Variants in VILL observed in about 807,000 individuals in gnomAD.
VILL encodes the protein villin-like protein.
Under a neutral mutation model 106.3 loss-of-function variants are expected in VILL, and 102 were observed. The observed-to-expected ratio is 0.96, with a 90% CI of 0.82 to 1.13. The LOEUF (loss-of-function observed/expected upper bound fraction) is 1.13. Among genes scored for constraint, VILL ranks in the 50% most tolerant of loss-of-function variants. The probability of loss-of-function intolerance (pLI) is 0.00; values close to 1 mark genes in which losing one functional copy is unlikely to be tolerated. For missense variants in VILL, 1,076 were observed against 1,116.6 expected (o/e 0.96, Z 0.52); for synonymous variants, 431 against 440.3 (o/e 0.98, Z 0.27).
chr3:37,998,424 G>T lies in VILL; in HGVS notation c.942+60G>T. The T allele has an allele frequency of 6.6e-7, 1 of 1,510,954 alleles. No homozygotes were observed. The highest frequency in any genetic ancestry group is 1.1e-5 in the South Asian group (1 of 88,212). The allele number at this position is 1,510,954 out of a possible 1,614,324, so 93.6% of individuals were successfully genotyped here. On this transcript the variant is annotated intron_variant, in intron 9 of 19. Coordinates refer to ENST00000383759, the MANE Select transcript of VILL (RefSeq NM_015873.4). The surrounding 1 kb of genome is among the most constrained non-coding windows in gnomAD (Gnocchi z 4.1). The stretch of plus-strand genomic sequence containing the variant: ...CACTGCCCTGGGGTCTGAGTGGGGA[G>T]GCAGCTCCGCCCCAGGGTCTAAGGG...
In VILL at chr3:37,994,440, C is replaced by T. The variant is rs749360439; in HGVS notation, c.315C>T (p.Phe105=). The T allele has an allele frequency of 2.2e-5, 36 of 1,612,638 alleles. No individual in the cohort carries two copies. Among genetic ancestry groups the T allele is most frequent in the Middle Eastern group, 1.7e-4 (1 of 6,046 alleles). ...CGCAGGGCCACGAGTCCGACTGCTT[C>T]TGCAGCTACTTCCGCCCGGGAATCA... ...REAQGHESDC[F]CSYFRPGIIY... is the part of the protein sequence containing the mutation. The change falls in exon 4 of 20, where the codon TTC becomes TTT. Residue 105 remains phenylalanine, a synonymous_variant. Coordinates refer to ENST00000383759, the MANE Select transcript of VILL (RefSeq NM_015873.4).
intron 1 of VILL, among the ~76,000 whole-genome samples, chr3:37,993,128 T>C (rs1479330617): frequency 1.3e-5 from 2 of 152,082 alleles, no homozygotes. Context: ...GAAGTGAGGG[T>C]CCCTTCCTTC....
rs757038712 is a variant in VILL at position 37,997,183 on chromosome 3, C to T, written c.557C>T (p.Ala186Val). Residue 186 changes from alanine to valine, a missense_variant, in exon 6 of 20, where the codon GCT (alanine) becomes GTT (valine). Transcript: ENST00000383759. The surrounding 1 kb of genome is among the most constrained non-coding windows in gnomAD (Gnocchi z 4.7). Reference protein sequence around the residue: ...NGPKTSISEKARGLALTYSLR... With the variant: ...NGPKTSISEKVRGLALTYSLR... ...CCCAAGACCAGCATTTCTGAGAAGG[C>T]TCGGGTCAGTGTCTGCCCAAGGAAC... The T allele has an allele frequency of 5.6e-6, 9 of 1,613,926 alleles. No homozygotes were observed. Among genetic ancestry groups the T allele is most frequent in the East Asian group, 2.2e-5 (1 of 44,894 alleles).
chr3:37,994,085 T>G, intron 3 of VILL, 113 bp downstream of exon 3: 1 of 1,476,570 alleles, frequency 6.8e-7, no homozygotes, highest in South Asian at 1.1e-5. Context: ...AGCCGGAGAA[T>G]CACATCCCAC....
chr3:38,006,423 C>G, intron 18 of VILL, 26 bp from the exon 19 acceptor site: 1 of 1,582,070 alleles, frequency 6.3e-7, no homozygotes. Flanking sequence ...CCCATCTTCC[C>G]CAGCCTGAGG....
In VILL at chr3:37,997,644, G is replaced by T. The variant is rs779489002; in HGVS notation, c.723G>T (p.Lys241Asn). 6.3e-7 allele frequency: 1 copy of T among 1,591,096 alleles called. No individual in the cohort carries two copies. The highest frequency in any genetic ancestry group is 1.1e-5 in the South Asian group (1 of 90,652). The stretch of plus-strand genomic sequence containing the variant: ...GCCTGCGTGCCGCCACGCCCAGCAA[G>T]GATATCAACCAGCTGCAGAAGGCCA... ...VGSLRAATPS[K>N]DINQLQKANV... Residue 241 changes from lysine to asparagine, a missense_variant, in exon 7 of 20, where the codon AAG becomes AAT. Lys to Asn is a moderately conservative substitution (Grantham distance 94, BLOSUM62 0). Coordinates refer to ENST00000383759, the MANE Select transcript of VILL (RefSeq NM_015873.4). This position sits in a 1 kb window ranked among gnomAD's most constrained non-coding sequence, Gnocchi z 4.7.
At position 37,998,695 on chromosome 3, in the gene VILL, G is replaced by A. The variant is rs1699752941; in HGVS notation, c.943-217G>A. ...GTCTGGGGTCCGTGAGGGTTGACATGGCCTGTCCTGCACGAGGCCTAGACT... is the reference window on the plus strand; with the variant it reads ...GTCTGGGGTCCGTGAGGGTTGACATAGCCTGTCCTGCACGAGGCCTAGACT... On this transcript the variant is annotated intron_variant, in intron 9 of 19. Coordinates refer to ENST00000383759, the MANE Select transcript of VILL (RefSeq NM_015873.4). This position sits in a 1 kb window ranked among gnomAD's most constrained non-coding sequence, Gnocchi z 4.1. 6.6e-6 allele frequency among the ~76,000 whole-genome samples: 1 copy of A among 152,156 alleles called. No individual in the cohort carries two copies. The highest frequency in any genetic ancestry group is 6.5e-5 in the Admixed American group (1 of 15,286).
Position 38,001,483 on chromosome 3 carries a change from C to G in VILL, c.1210C>G (p.Gln404Glu), listed in dbSNP as rs532852932. Residue 404 changes from glutamine to glutamate, a missense_variant, in exon 12 of 20, where the codon CAG becomes GAG. By Grantham distance (29) the Gln-to-Glu change is conservative. Coordinates refer to ENST00000383759, the MANE Select transcript of VILL (RefSeq NM_015873.4). ...GTGGTGCATCCAGGACTTACACAGG[C>G]AGCCCGTGGACCCCAAGCGTCATGG... The part of the protein sequence containing the change: ...EVWCIQDLHR[Q>E]PVDPKRHGQL... 1.9e-6 allele frequency: 3 copies of G among 1,614,168 alleles called. No individual in the cohort carries two copies. Among genetic ancestry groups the G allele is most frequent in the Non-Finnish European group, 2.5e-6 (3 of 1,179,992 alleles).
chr3:37,994,065 G>T lies in VILL; in HGVS notation c.135+93G>T. 2.6e-6 allele frequency: 4 copies of T among 1,538,054 alleles called. No individual in the cohort carries two copies. The South Asian group carries it at 4.5e-5, about 17-fold the overall frequency. ...GGCATAAACTCTGCCCTGGGAAGCGGCAAGTTGAGAGCCGGAGAATCACAT... is the reference window on the plus strand; with the variant it reads ...GGCATAAACTCTGCCCTGGGAAGCGTCAAGTTGAGAGCCGGAGAATCACAT... On this transcript the variant is annotated intron_variant, in intron 3 of 19. Transcript: ENST00000383759.
Position 38,005,913 on chromosome 3 carries a change from AG to A in VILL, c.2075del (p.Gly692AlafsTer42). 1 of 1,614,132 alleles carries A rather than the reference AG, an allele frequency of 6.2e-7. No individual in the cohort carries two copies. The highest frequency in any genetic ancestry group is 8.5e-7 in the Non-Finnish European group (1 of 1,179,990). ...GCCACACCCATCGTGCTGGTCAAGC[AG>A]GGCCATGAGCCTCCCACCTTCATTG... ...SPATPIVLVK[Q>X]GHEPPTFIGW... On this transcript the variant is annotated frameshift_variant, in exon 17 of 20. Coordinates refer to ENST00000383759, the MANE Select transcript of VILL (RefSeq NM_015873.4). LOFTEE classifies it high-confidence loss of function.
At position 37,997,260 on chromosome 3, in the gene VILL, G is replaced by C. The variant is rs992480868; in HGVS notation, c.561+73G>C. ...ATGATCCTCCAGTTGACCATCCTCCGGCCACCCAAAGAGTTGGGCTTGGCT... is the reference window on the plus strand; with the variant it reads ...ATGATCCTCCAGTTGACCATCCTCCCGCCACCCAAAGAGTTGGGCTTGGCT... On this transcript the variant is annotated intron_variant, in intron 6 of 19. Coordinates refer to ENST00000383759, the MANE Select transcript of VILL (RefSeq NM_015873.4). This position sits in a 1 kb window ranked among gnomAD's most constrained non-coding sequence, Gnocchi z 4.7. The C allele has an allele frequency of 6.7e-7, 1 of 1,499,446 alleles. No individual in the cohort carries two copies. The highest frequency in any genetic ancestry group is 9.2e-7 in the Non-Finnish European group (1 of 1,082,116). 92.9% of individuals were successfully genotyped at this position (1,499,446 alleles called of 1,614,324 possible).
rs778948805 is a variant in VILL at position 38,006,596 on chromosome 3, G to A, written c.2353G>A (p.Val785Ile). 80 of 1,614,088 alleles carry A rather than the reference G, an allele frequency of 5.0e-5. No individual in the cohort carries two copies. The highest frequency in any genetic ancestry group is 1.7e-4 in the Middle Eastern group (1 of 6,046). Residue 785 changes from valine to isoleucine, a missense_variant, in exon 19 of 20, where the codon GTC becomes ATC. Coordinates refer to ENST00000383759, the MANE Select transcript of VILL (RefSeq NM_015873.4). ...KSAGSRTSSS[V>I]SSTSATINGG... Reference sequence around the variant, plus strand: ...GGCTGGCAGCAGAACCAGCAGCTCCGTCAGCAGCACCAGCGCCACGATCAA... The same window carrying A: ...GGCTGGCAGCAGAACCAGCAGCTCCATCAGCAGCACCAGCGCCACGATCAA...
intron 13 of VILL, 38 bp from the exon 14 acceptor site, chr3:38,002,358 G>T: frequency 6.4e-7 from 1 of 1,555,254 alleles, no homozygotes; most frequent in Non-Finnish European, 8.7e-7. Context: ...GGCGCCCCTG[G>T]GAGCCCTTGC....
In VILL at chr3:38,007,036, A is replaced by C. The variant is rs149635948; in HGVS notation, c.2552A>C (p.Lys851Thr). ...ACGTGGAGGCAGCGGCAGGAGAAAA[A>C]GCAGCTGGGCTTCTTCTGAACCCAA... ...MATWRQRQEK[K>T]QLGFF The change falls in exon 20 of 20, where the codon AAG (lysine) becomes ACG (threonine). Residue 851 changes from lysine (K) to threonine (T), a missense_variant. Physicochemically the swap from Lys to Thr is moderately conservative, Grantham distance 78. Coordinates refer to ENST00000383759, the MANE Select transcript of VILL (RefSeq NM_015873.4). The C allele has an allele frequency of 1.2e-6, 2 of 1,613,936 alleles. No individual in the cohort carries two copies. The highest frequency in any genetic ancestry group is 1.3e-5 in the African/African-American group (1 of 74,904).
At chr3:37,993,107 C>T (rs1299414898) in intron 1 of VILL, among the ~76,000 whole-genome samples, 2 of 152,212 alleles carry the variant, frequency 1.3e-5, no homozygotes, top group African/African-American at 4.8e-5. Flanking sequence ...CAAGACATAA[C>T]AAAATCGACA....
rs759909601 is a variant in VILL, at chr3:38,001,917, C to A, written c.1479+57C>A. 15 of 1,610,488 alleles carry A rather than the reference C, an allele frequency of 9.3e-6. No individual in the cohort carries two copies. The South Asian group carries it at 1.7e-4, about 18-fold the overall frequency. On this transcript the variant is annotated intron_variant, in intron 13 of 19. Transcript: ENST00000383759. ...CTGCCCAGTTCTGCATGGGCCATGG[C>A]CCCCGCACACACTTCTAAGCACCTT...
At chr3:37,990,317 C>G (rs534664479), upstream of VILL, among the ~76,000 whole-genome samples, 2 of 152,280 alleles carry the variant, frequency 1.3e-5, no homozygotes, top group East Asian at 3.9e-4. This position sits in a 1 kb window ranked among gnomAD's most constrained non-coding sequence, Gnocchi z 5.1. Flanking sequence ...TAGAGGGAGC[C>G]CTGACCACCT....
chr3:38,001,476 A>G lies in VILL; in HGVS notation c.1203A>G (p.Leu401=). ...GKVEVWCIQD[L]HRQPVDPKRH... is the part of the protein sequence containing the mutation. ...CCCAGGTGTGGTGCATCCAGGACTT[A>G]CACAGGCAGCCCGTGGACCCCAAGC... Residue 401 remains leucine (L), a synonymous_variant, in exon 12 of 20, where the codon TTA becomes TTG. Coordinates refer to ENST00000383759, the MANE Select transcript of VILL (RefSeq NM_015873.4). 1 of 1,614,180 alleles carries G rather than the reference A, an allele frequency of 6.2e-7. No individual in the cohort carries two copies.
rs376224972 is a variant in VILL at position 37,993,659 on chromosome 3, C to A, written c.-14C>A. On this transcript the variant is annotated 5_prime_UTR_variant, in exon 2 of 20. It adds an upstream start codon to the 5' untranslated region. Transcript: ENST00000383759. ...TTGTTCCTTGTGTCGTCCCATATTC[C>A]TGCCTGGCCTGCGATGGACATCAGC... The A allele has an allele frequency of 3.3e-5, 53 of 1,613,380 alleles. No homozygotes were observed. Among genetic ancestry groups the A allele is most frequent in the African/African-American group, 8.0e-5 (6 of 74,908 alleles).
Sources: allele counts gnomAD v4.1 joint callset (sites outside exome capture counted in the v4.1 genomes callset), GRCh38; gene constraint gnomAD v4.1.1; non-coding constraint Gnocchi (gnomAD v3.1); transcripts MANE v1.5; gene names NCBI Gene and HGNC (gene_info 2026-07-23, HGNC 2026-07-21).